The following ZNF285 variants were observed in gnomAD, a reference collection of about 807,000 sequenced individuals.
ZNF285 encodes zinc finger protein 285.
In ZNF285, 4 loss-of-function variants were observed where a neutral mutation model predicts 6.2. The observed-to-expected ratio is 0.65, with a 90% CI of 0.32 to 1.49. The LOEUF (loss-of-function observed/expected upper bound fraction) is 1.49. Ranked by LOEUF, ZNF285 falls within the 40% of genes most tolerant of loss-of-function variation. The pLI is 0.07. For synonymous variants in ZNF285, 240 were observed against 245.8 expected, an observed-to-expected ratio of 0.98 and a Z score of 0.22; for missense variants, 695 against 708.8, an observed-to-expected ratio of 0.98 and a Z score of 0.22.
chr19:44,398,605 C>G (rs972567678), intron 1 of ZNF285, among the ~76,000 whole-genome samples: 16 of 152,174 alleles, frequency 1.1e-4, no homozygotes, highest in Admixed American at 9.2e-4. Context: ...ATCACTAGCT[C>G]TGAAATATTG....
At chr19:44,401,228 C>T (rs1971371100) in intron 1 of ZNF285, among the ~76,000 whole-genome samples, 1 of 152,182 alleles carries the variant, frequency 6.6e-6, no homozygotes, top group Non-Finnish European at 1.5e-5. Flanking sequence ...CCTCTGCCCT[C>T]ATCCAGAGAT....
In ZNF285 at chr19:44,385,118, T is replaced by C. The variant is rs1568381785; in HGVS notation, c.*1354A>G. On this transcript the variant is annotated 3_prime_UTR_variant, in exon 4 of 4. Transcript: ENST00000614994. ...GAAAGAGCATCCTTTAAAAACCCAT[T>C]ATTATACAGGTCTGCTGAGAAGAAG... The C allele has an allele frequency of 6.6e-6, 1 of 152,012 alleles. No homozygotes were observed. Among genetic ancestry groups the C allele is most frequent in the Non-Finnish European group, 1.5e-5 (1 of 68,030 alleles). 9.4% of individuals were successfully genotyped at this position (152,012 alleles called of 1,614,324 possible).
intron 3 of ZNF285, among the ~76,000 whole-genome samples, chr19:44,392,040 G>A (rs1971204742): frequency 6.6e-6 from 1 of 152,092 alleles, no homozygotes; most frequent in African/African-American, 2.4e-5. Flanking sequence ...GTCTCATTCT[G>A]AGAAATATGA....
In ZNF285 at chr19:44,386,837, C is replaced by A; in HGVS notation, c.1408G>T (p.Val470Phe). ...VCGKDFAYSS[V>F]LHTHQRVHTG... ...TGAACTCTCTGATGAGTGTGAAGAACAGAGCTATACGCAAAATCCTTTCCA... is the reference window on the plus strand; with the variant it reads ...TGAACTCTCTGATGAGTGTGAAGAAAAGAGCTATACGCAAAATCCTTTCCA... Residue 470 changes from valine to phenylalanine, a missense_variant, in exon 4 of 4, where the codon GTT becomes TTT. Transcript: ENST00000614994. 5.0e-6 allele frequency: 8 copies of A among 1,614,232 alleles called. No homozygotes were observed. The highest frequency in any genetic ancestry group is 6.8e-6 in the Non-Finnish European group (8 of 1,180,044).
chr19:44,389,633 T>G (rs1326831232), intron 3 of ZNF285, among the ~76,000 whole-genome samples: 1 of 152,136 alleles, frequency 6.6e-6, no homozygotes, highest in Non-Finnish European at 1.5e-5. Context: ...TTTTCTTTCT[T>G]TCTTTATTAT....
At chr19:44,394,599 C>T (rs1247485804) in intron 2 of ZNF285, 1 of 537,482 alleles carries the variant, frequency 1.9e-6, no homozygotes, top group Non-Finnish European at 3.2e-6. Flanking sequence ...AAACCATCTC[C>T]TCATCAAGAA....
Position 44,387,874 on chromosome 19 carries a change from T to C in ZNF285, c.371A>G (p.Tyr124Cys), listed in dbSNP as rs1343448036. 2.0e-5 allele frequency: 32 copies of C among 1,613,848 alleles called. No homozygotes were observed. The highest frequency in any genetic ancestry group is 1.6e-4 in the Middle Eastern group (1 of 6,080). ...ISLQISENENYVVNAIIKNQD... is the reference protein window; with the variant it reads ...ISLQISENENCVVNAIIKNQD... ...ATTTTTGATAATGGCATTTACTACATAGTTTTCATTTTCAGAAATCTGAAG... is the reference window on the plus strand; with the variant it reads ...ATTTTTGATAATGGCATTTACTACACAGTTTTCATTTTCAGAAATCTGAAG... Residue 124 changes from tyrosine to cysteine, a missense_variant, in exon 4 of 4, where the codon TAT (tyrosine) becomes TGT (cysteine). Coordinates refer to ENST00000614994, the MANE Select transcript of ZNF285 (RefSeq NM_152354.6).
intron 3 of ZNF285, among the ~76,000 whole-genome samples, chr19:44,389,911 T>C (rs1815121989): frequency 6.6e-6 from 1 of 152,190 alleles, no homozygotes; most frequent in Non-Finnish European, 1.5e-5. Context: ...ACACAGGACC[T>C]AGGGCCAAAT....
rs556655800 is a variant in ZNF285 at position 44,401,582 on chromosome 19, C to A, written c.-58G>T. On this transcript the variant is annotated 5_prime_UTR_variant, in exon 1 of 4. Transcript: ENST00000614994. ...ACGGGACTCACCCCAGCGTCCCAAACAATGTCGCCCGCAGCGTGCGTCCAG... is the reference window on the plus strand; with the variant it reads ...ACGGGACTCACCCCAGCGTCCCAAAAAATGTCGCCCGCAGCGTGCGTCCAG... 1 of 152,394 alleles carries A rather than the reference C, an allele frequency of 6.6e-6. No homozygotes were observed. Among genetic ancestry groups the A allele is most frequent in the Non-Finnish European group, 1.5e-5 (1 of 68,092 alleles). 9.4% of individuals were successfully genotyped at this position (152,394 alleles called of 1,614,324 possible). A position where few individuals can be genotyped will look rare whatever the true frequency, so the allele number is the denominator to read the frequency against.
Position 44,387,397 on chromosome 19 carries a change from G to A in ZNF285, c.848C>T (p.Ser283Phe). 6.2e-7 allele frequency: 1 copy of A among 1,614,186 alleles called. No homozygotes were observed. The highest frequency in any genetic ancestry group is 8.5e-7 in the Non-Finnish European group (1 of 1,180,038). The change falls in exon 4 of 4, where the codon TCT becomes TTT. Residue 283 changes from serine (S) to phenylalanine (F), a missense_variant. By Grantham distance (155) the Ser-to-Phe change is radical (BLOSUM62 -2). Coordinates refer to ENST00000614994, the MANE Select transcript of ZNF285 (RefSeq NM_152354.6). ...GTGGAATTCATAGGGAGTCTTGCCAGAGTGAGTTTTACAATGAACGATAAG... is the reference window on the plus strand; with the variant it reads ...GTGGAATTCATAGGGAGTCTTGCCAAAGTGAGTTTTACAATGAACGATAAG... ...QDLIVHCKTHSGKTPYEFHEW... is the reference protein window; with the variant it reads ...QDLIVHCKTHFGKTPYEFHEW...
rs201475872 is a variant in ZNF285 at position 44,399,980 on chromosome 19, CAG to C, written c.-44+1586_-44+1587del. ...GGGCAGCTAATCTGTGACAATCCTG[CAG>C]AGAGAGAACTGGGGGACAAGATACT... On this transcript the variant is annotated intron_variant, in intron 1 of 3. Coordinates refer to ENST00000614994, the MANE Select transcript of ZNF285 (RefSeq NM_152354.6). 7.6e-3 allele frequency among the ~76,000 whole-genome samples: 1,141 copies of C among 150,658 alleles called. 8 individuals are homozygous for C. The highest frequency in any genetic ancestry group is 0.026 in the African/African-American group (1,055 of 40,344).
intron 3 of ZNF285, among the ~76,000 whole-genome samples, chr19:44,390,571 C>A (rs1813518513): frequency 6.6e-6 from 1 of 152,100 alleles, no homozygotes; most frequent in Middle Eastern, 3.2e-3. Context: ...TCCGATGAGA[C>A]AATGGACTGT....
At position 44,382,911 on chromosome 19, in the gene ZNF285, C is replaced by G. The variant is rs1183922102; in HGVS notation, c.*3561G>C. The G allele has an allele frequency of 6.6e-6, 1 of 152,186 alleles. No individual in the cohort carries two copies. Among genetic ancestry groups the G allele is most frequent in the African/African-American group, 2.4e-5 (1 of 41,442 alleles). 9.4% of individuals were successfully genotyped at this position (152,186 alleles called of 1,614,324 possible). A position where few individuals can be genotyped will look rare whatever the true frequency, so the allele number is the denominator to read the frequency against. ...GCTGGGAAGTTGAGTTCATGTAAAG[C>G]CCTTCCCACTGAAGAATGTGGGAGT... On this transcript the variant is annotated 3_prime_UTR_variant, in exon 4 of 4. Coordinates refer to ENST00000614994, the MANE Select transcript of ZNF285 (RefSeq NM_152354.6).
Position 44,386,540 on chromosome 19 carries a change from T to C in ZNF285, c.1705A>G (p.Thr569Ala). 1 of 1,614,104 alleles carries C rather than the reference T, an allele frequency of 6.2e-7. No homozygotes were observed. The highest frequency in any genetic ancestry group is 8.5e-7 in the Non-Finnish European group (1 of 1,179,936). The change falls in exon 4 of 4, where the codon ACA becomes GCA. Residue 569 changes from threonine (T) to alanine (A), a missense_variant. Physicochemically the swap from Thr to Ala is moderately conservative, Grantham distance 58. Transcript: ENST00000614994. ...QRVHIDETQY[T>A]HCERGKDLLT... Reference sequence around the variant, plus strand: ...AGGTCCTTTCCACGCTCACAGTGTGTGTACTGTGTCTCATCTATATGCACT... The same window carrying C: ...AGGTCCTTTCCACGCTCACAGTGTGCGTACTGTGTCTCATCTATATGCACT...
chr19:44,395,288 A>C (rs1371982722), intron 2 of ZNF285, among the ~76,000 whole-genome samples: 1 of 152,220 alleles, frequency 6.6e-6, no homozygotes, highest in Non-Finnish European at 1.5e-5. Flanking sequence ...CTTACAAGAA[A>C]TACTGTGGAT....
chr19:44,399,681 T>C (rs1971344019), intron 1 of ZNF285, among the ~76,000 whole-genome samples: 1 of 151,634 alleles, frequency 6.6e-6, no homozygotes, highest in African/African-American at 2.4e-5. Context: ...AATTTCTGGC[T>C]TCAGACACTA....
At position 44,387,923 on chromosome 19, in the gene ZNF285, T is replaced by G. The variant is rs79240579; in HGVS notation, c.322A>C (p.Ser108Arg). The G allele has an allele frequency of 2.5e-6, 4 of 1,613,988 alleles. No individual in the cohort carries two copies. Among genetic ancestry groups the G allele is most frequent in the Non-Finnish European group, 2.5e-6 (3 of 1,179,966 alleles). The change falls in exon 4 of 4, where the codon AGT (serine) becomes CGT (arginine). Residue 108 changes from serine (S) to arginine (R), a missense_variant. Ser to Arg is a moderately radical substitution (Grantham distance 110). Transcript: ENST00000614994. ...CSPHLEDVSL[S>R]EEWAGISLQI... ...AGAGAAATGCCTGCCCACTCTTCAC[T>G]GAGGGAAACATCTTCTAAATGTGGG...
intron 2 of ZNF285, among the ~76,000 whole-genome samples, chr19:44,394,004 C>A (rs1029899547): frequency 9.2e-5 from 14 of 152,040 alleles, no homozygotes; most frequent in African/African-American, 3.4e-4. Flanking sequence ...AGACTTGGAA[C>A]CAAGCCAAAT....
intron 3 of ZNF285, among the ~76,000 whole-genome samples, chr19:44,391,246 G>A (rs958522094): frequency 5.9e-5 from 9 of 151,926 alleles, no homozygotes; most frequent in African/African-American, 2.2e-4. Context: ...TGATTGTGAG[G>A]CCTCCCCAGG....
Sources: allele counts gnomAD v4.1 joint callset (sites outside exome capture counted in the v4.1 genomes callset), GRCh38; gene constraint gnomAD v4.1.1; transcripts MANE v1.5; gene names NCBI Gene and HGNC (gene_info 2026-07-23, HGNC 2026-07-21).